CD2AP: variants seen among roughly 807,000 people sequenced by gnomAD.
CD2AP encodes the protein CD2-associated protein.
Under a neutral mutation model 85.1 loss-of-function variants are expected in CD2AP, and 46 were observed. The observed-to-expected ratio is 0.54, with a 90% CI of 0.43 to 0.69. CD2AP has a LOEUF of 0.69. CD2AP is among the 30% of genes least tolerant of loss of function. The pLI, the probability that CD2AP is intolerant of heterozygous loss-of-function variation, is 0.00. For missense variants in CD2AP, 769 were observed against 729.5 expected (o/e 1.05, Z -0.62); for synonymous variants, 255 against 252.9 (o/e 1.01, Z -0.08).
At chr6:47,589,606 A>C (rs1473252687) in intron 11 of CD2AP, among the ~76,000 whole-genome samples, 2 of 136,274 alleles carry the variant, frequency 1.5e-5, no homozygotes, top group Non-Finnish European at 3.3e-5. Flanking sequence ...TGCTAGAAGT[A>C]GGAGAGCTAC....
intron 3 of CD2AP, among the ~76,000 whole-genome samples, chr6:47,535,194 C>A (rs1767000744): frequency 6.6e-6 from 1 of 152,160 alleles, no homozygotes; most frequent in Non-Finnish European, 1.5e-5. Flanking sequence ...TTATTACTAT[C>A]CTGCTGTTCA....
intron 10 of CD2AP, among the ~76,000 whole-genome samples, chr6:47,581,170 A>C (rs191961100): frequency 7.0e-4 from 106 of 152,304 alleles, no homozygotes; most frequent in Non-Finnish European, 1.3e-3. Flanking sequence ...CTGTTTTAGA[A>C]AACTTAATAT....
intron 17 of CD2AP, among the ~76,000 whole-genome samples, chr6:47,618,615 G>A (rs1475714125): frequency 2.6e-5 from 4 of 152,008 alleles, no homozygotes; most frequent in East Asian, 3.8e-4. Flanking sequence ...ATTTTTAAGC[G>A]TTTTTTGACT....
rs542230233 is a variant in CD2AP at position 47,544,829 on chromosome 6, T to G, written c.420+123T>G. 122 of 677,852 alleles carry G rather than the reference T, an allele frequency of 1.8e-4. 3 individuals are homozygous for G. In the South Asian group the frequency reaches 2.0e-3, roughly 11 times the overall value. 42.0% of individuals were successfully genotyped at this position (677,852 alleles called of 1,614,324 possible). A position where few individuals can be genotyped will look rare whatever the true frequency, so the allele number is the denominator to read the frequency against. On this transcript the variant is annotated intron_variant, in intron 4 of 17. Transcript: ENST00000359314. ...TGTTGTCACTTTTTAAAAAAAATGG[T>G]ATAGAGTTTCTTTACTCATCCTTGC...
At chr6:47,499,035 C>T (rs933101104) in intron 1 of CD2AP, among the ~76,000 whole-genome samples, 2 of 152,116 alleles carry the variant, frequency 1.3e-5, no homozygotes, top group African/African-American at 4.8e-5. Flanking sequence ...CTGATTTGGC[C>T]AGTAAGAACC....
intron 1 of CD2AP, among the ~76,000 whole-genome samples, chr6:47,498,174 A>T (rs967114003): frequency 3.9e-5 from 6 of 152,102 alleles, no homozygotes; most frequent in Non-Finnish European, 8.8e-5. Flanking sequence ...AATTTTCTTT[A>T]TTGTTGCATG....
chr6:47,536,860 A>G (rs918773821), intron 3 of CD2AP, among the ~76,000 whole-genome samples: 3 of 152,202 alleles, frequency 2.0e-5, no homozygotes, highest in African/African-American at 7.2e-5. Flanking sequence ...GAGAGTAAAT[A>G]AATTGACGTG....
At chr6:47,492,066 T>C (rs1765749792) in intron 1 of CD2AP, among the ~76,000 whole-genome samples, 1 of 152,230 alleles carries the variant, frequency 6.6e-6, no homozygotes, top group Non-Finnish European at 1.5e-5. Context: ...ATTTACTGTC[T>C]GTTTCCAGTT....
At chr6:47,503,031 T>G (rs1403047593) in intron 1 of CD2AP, among the ~76,000 whole-genome samples, 2 of 152,216 alleles carry the variant, frequency 1.3e-5, no homozygotes, top group Non-Finnish European at 2.9e-5. Flanking sequence ...GAGTGTCTGA[T>G]GGCATGAATT....
chr6:47,484,923 C>T (rs534787804), intron 1 of CD2AP, among the ~76,000 whole-genome samples: 2 of 152,116 alleles, frequency 1.3e-5, no homozygotes, highest in Admixed American at 1.3e-4. Flanking sequence ...GGTGGTGGTC[C>T]CCTAAGATTA....
chr6:47,526,875 A>C (rs1766742814), intron 2 of CD2AP, among the ~76,000 whole-genome samples: 1 of 152,202 alleles, frequency 6.6e-6, no homozygotes, highest in Non-Finnish European at 1.5e-5. Context: ...TGGCATGTTG[A>C]GGTTGTAACT....
intron 9 of CD2AP, chr6:47,579,855 T>C (rs576463581): frequency 2.8e-5 from 5 of 179,084 alleles, no homozygotes; most frequent in South Asian, 1.2e-4. Flanking sequence ...ATTGCTGTTA[T>C]GCTGTTGGTG....
chr6:47,503,340 T>G lies in CD2AP; in HGVS notation c.65T>G (p.Val22Gly). The G allele has an allele frequency of 6.2e-7, 1 of 1,613,582 alleles. No homozygotes were observed. The part of the protein sequence containing the change: ...AVHDDELTIR[V>G]GEIIRNVKKL... The stretch of plus-strand genomic sequence containing the variant: ...CATGATGATGAATTAACTATTCGAG[T>G]TGGAGAAATCATCAGGAATGTGAAA... Residue 22 changes from valine to glycine, a missense_variant, in exon 2 of 18, where the codon GTT (valine) becomes GGT (glycine). Val to Gly is a moderately radical substitution (Grantham distance 109). Transcript: ENST00000359314.
intron 1 of CD2AP, among the ~76,000 whole-genome samples, chr6:47,496,324 C>G (rs746536725): frequency 2.0e-5 from 3 of 152,136 alleles, no homozygotes; most frequent in Non-Finnish European, 2.9e-5. Context: ...TGCTAAGTCA[C>G]CCATTAGTCT....
At chr6:47,527,167 T>TA (rs1766753348) in intron 2 of CD2AP, among the ~76,000 whole-genome samples, 1 of 152,172 alleles carries the variant, frequency 6.6e-6, no homozygotes, top group African/African-American at 2.4e-5. Context: ...TTTGAACAGT[T>TA]ACATGAAGAG....
chr6:47,533,619 G>A lies in CD2AP; in HGVS notation c.183G>A (p.Thr61=), dbSNP rs1766948713. 9.9e-6 allele frequency: 16 copies of A among 1,613,640 alleles called. No individual in the cohort carries two copies. Among genetic ancestry groups the A allele is most frequent in the Non-Finnish European group, 1.1e-5 (13 of 1,179,842 alleles). Residue 61 remains threonine, a synonymous_variant, in exon 3 of 18, where the codon ACG becomes ACA. Coordinates refer to ENST00000359314, the MANE Select transcript of CD2AP (RefSeq NM_012120.3). ...DNFVKEIKRE[T]EFKDDSLPIK... ...TTTTGTAGGAAATTAAAAGAGAGAC[G>A]GAATTCAAGGATGACAGTTTGCCCA...
chr6:47,608,229 A>G (rs1307578089), intron 15 of CD2AP, among the ~76,000 whole-genome samples: 1 of 152,204 alleles, frequency 6.6e-6, no homozygotes, highest in East Asian at 1.9e-4. Context: ...TTTTAATTGA[A>G]TAAAATAAAT....
chr6:47,619,314 A>AT (rs1320300807), intron 17 of CD2AP, among the ~76,000 whole-genome samples: 2 of 81,696 alleles, frequency 2.4e-5, no homozygotes, highest in African/African-American at 1.1e-4. Context: ...GTCCATGAGA[A>AT]CATACAATGT....
intron 1 of CD2AP, among the ~76,000 whole-genome samples, chr6:47,496,004 T>A (rs535245157): frequency 6.6e-6 from 1 of 152,338 alleles, no homozygotes; most frequent in East Asian, 1.9e-4. Context: ...TCCTATATGA[T>A]GTTACTGTTT....
Sources: gnomAD v4.1 joint callset for allele counts (sites outside exome capture counted in the v4.1 genomes callset) on GRCh38, gnomAD v4.1.1 for gene constraint, MANE v1.5 for transcripts, NCBI Gene and HGNC (gene_info 2026-07-23, HGNC 2026-07-21) for gene names.